Variants in MED16 observed in about 807,000 individuals in gnomAD.
MED16 encodes mediator complex subunit 16, also known as mediator of RNA polymerase II transcription subunit 16.
A neutral mutation model predicts 84.4 loss-of-function variants in MED16; 81 were observed. That is an observed-to-expected ratio of 0.96 (90% CI 0.80 to 1.15). The LOEUF (loss-of-function observed/expected upper bound fraction) is 1.15, where lower values mean the gene tolerates loss of function less well. Among genes scored for constraint, MED16 ranks in the 50% most tolerant of loss-of-function variants. MED16 has a pLI of 0.00. For missense variants in MED16, 1,585 were observed against 1,245.9 expected (o/e 1.27, Z -4.10); for synonymous variants, 897 against 552.2 (o/e 1.62, Z -8.76).
intron 6 of MED16, among the ~76,000 whole-genome samples, chr19:883,864 G>A (rs2036471413): frequency 6.6e-6 from 1 of 152,102 alleles, no homozygotes; most frequent in South Asian, 2.1e-4. Context: ...GCCCAACAAG[G>A]CCCTGGGGAC....
Position 881,601 on chromosome 19 carries a change from C to A in MED16, c.1099G>T (p.Asp367Tyr). 6.2e-7 allele frequency: 1 copy of A among 1,612,638 alleles called. No homozygotes were observed. Among genetic ancestry groups the A allele is most frequent in the Non-Finnish European group, 8.5e-7 (1 of 1,179,906 alleles). ...PKLPISLTNT[D>Y]LKVASDTQFY... ...TGTGTGTCGCTGGCCACCTTGAGGT[C>A]GGTGTTGGTGAGCGAGATGGGCAGC... is the stretch of plus-strand genomic sequence containing the variant. The change falls in exon 7 of 16, where the codon GAC becomes TAC. Residue 367 changes from aspartate to tyrosine, a missense_variant. By Grantham distance (160) the Asp-to-Tyr change is radical. Transcript: ENST00000325464.
intron 13 of MED16, among the ~76,000 whole-genome samples, chr19:870,508 C>G (rs2036020980): frequency 6.6e-6 from 1 of 150,856 alleles, no homozygotes; most frequent in South Asian, 2.1e-4. Flanking sequence ...TTGCAGTGGG[C>G]CAAGACGGCA....
At position 871,159 on chromosome 19, in the gene MED16, C is replaced by G. The variant is rs763793613; in HGVS notation, c.2193G>C (p.Trp731Cys). 1.3e-6 allele frequency: 2 copies of G among 1,548,602 alleles called. No individual in the cohort carries two copies. The highest frequency in any genetic ancestry group is 2.7e-5 in the African/African-American group (2 of 73,058). Residue 731 changes from tryptophan to cysteine, a missense_variant, in exon 13 of 16, where the codon TGG (tryptophan) becomes TGC (cysteine). By Grantham distance (215) the Trp-to-Cys change is radical (BLOSUM62 -2). Coordinates refer to ENST00000325464, the MANE Select transcript of MED16 (RefSeq NM_005481.3). The part of the protein sequence containing the change: ...PSQLLIPSLD[W>C]LPASDGLVSR... ...TAACCAGGCCGTCGCTGGCTGGCAGCCAGTCCAGGCTGGGGATAAGCAGCT... is the reference window on the plus strand; with the variant it reads ...TAACCAGGCCGTCGCTGGCTGGCAGGCAGTCCAGGCTGGGGATAAGCAGCT...
intron 8 of MED16, 24 bp from the exon 9 acceptor site, chr19:877,204 G>C (rs763253661): frequency 8.2e-6 from 13 of 1,589,828 alleles, no homozygotes; most frequent in Non-Finnish European, 1.0e-5. Context: ...AGCCCAAGGA[G>C]AGCCCGGTGA....
In MED16 at chr19:873,498, T is replaced by C. The variant is rs1296642865; in HGVS notation, c.1856A>G (p.Gln619Arg). 3 of 1,611,842 alleles carry C rather than the reference T, an allele frequency of 1.9e-6. No homozygotes were observed. The African/African-American group carries it at 4.0e-5, about 22-fold the overall frequency. The stretch of plus-strand genomic sequence containing the variant: ...GTACAGCACGAAGTCGCCCACCCAC[T>C]GCAAGAGCTGCTGCAGCGCCTGCAG... ...NTLQALQQLL[Q>R]WVGDFVLYLL... The change falls in exon 11 of 16, where the codon CAG becomes CGG. Residue 619 changes from glutamine to arginine, a missense_variant. Gln to Arg is a conservative substitution (Grantham distance 43). Coordinates refer to ENST00000325464, the MANE Select transcript of MED16 (RefSeq NM_005481.3).
intron 6 of MED16, among the ~76,000 whole-genome samples, chr19:882,127 C>G (rs775392479): frequency 6.6e-6 from 1 of 152,262 alleles, no homozygotes; most frequent in African/African-American, 2.4e-5. Context: ...GTCGCACCCA[C>G]AGATCCGCTG....
In MED16 at chr19:868,033, G is replaced by A. The variant is rs973750054; in HGVS notation, c.*68C>T. ...TTGTCCAGGTTCAGCGCTCTCCGCG[G>A]GTGAGGCAAGGAAACCGAGGAGACG... On this transcript the variant is annotated 3_prime_UTR_variant, in exon 16 of 16. Transcript: ENST00000325464. 1 of 1,530,164 alleles carries A rather than the reference G, an allele frequency of 6.5e-7. No individual in the cohort carries two copies. Among genetic ancestry groups the A allele is most frequent in the African/African-American group, 1.4e-5 (1 of 72,070 alleles). 94.8% of individuals were successfully genotyped at this position (1,530,164 alleles called of 1,614,324 possible). A position where few individuals can be genotyped will look rare whatever the true frequency, so the allele number is the denominator to read the frequency against.
chr19:873,969 G>A (rs1399343298), intron 10 of MED16, among the ~76,000 whole-genome samples: 2 of 152,190 alleles, frequency 1.3e-5, no homozygotes, highest in African/African-American at 2.4e-5. Context: ...CCGGCTGGCA[G>A]CTGGCGGCGG....
At chr19:872,434 G>GCGGGCC (rs1568320388) in intron 11 of MED16, among the ~76,000 whole-genome samples, 2 of 152,046 alleles carry the variant, frequency 1.3e-5, no homozygotes, top group African/African-American at 4.8e-5. Flanking sequence ...TCCTACAGCT[G>GCGGGCC]CGGGCCCGGG....
chr19:880,230 G>A (rs908402345), intron 7 of MED16, 82 bp from the exon 8 acceptor site: 14 of 1,340,650 alleles, frequency 1.0e-5, no homozygotes, highest in Non-Finnish European at 1.3e-5. Flanking sequence ...TCTGCAGGGT[G>A]TGGAGAGCCG....
chr19:875,223 C>A (rs751649566), intron 10 of MED16, 21 bp downstream of exon 10: 11 of 1,533,242 alleles, frequency 7.2e-6, no homozygotes, highest in Non-Finnish European at 9.8e-6. Context: ...CTCGAGGCCC[C>A]GGGCGTGGAA....
rs913000131 is a variant in MED16 at position 884,913 on chromosome 19, G to A, written c.975C>T (p.Ile325=). 7 of 1,607,618 alleles carry A rather than the reference G, an allele frequency of 4.4e-6. No individual in the cohort carries two copies. The highest frequency in any genetic ancestry group is 2.2e-5 in the East Asian group (1 of 44,776). ...GLPVNNIFQQ[I]SPVVGDKQPT... ...CGGCGGGAGACTCACCCACGGGGGA[G>A]ATCTGCTGGAAGATGTTGTTCACGG... Residue 325 remains isoleucine (I), a synonymous_variant, in exon 6 of 16, where the codon ATC becomes ATT. Transcript: ENST00000325464.
At chr19:881,756 A>AAGACAGGCTG in intron 6 of MED16, 42 bp from the exon 7 acceptor site, 1 of 1,593,660 alleles carries the variant, frequency 6.3e-7, no homozygotes, top group Non-Finnish European at 8.6e-7. Context: ...CAATGGAGTA[A>AAGACAGGCTG]AGACAGGCTG....
At chr19:889,248 G>A (rs1401676160) in intron 4 of MED16, among the ~76,000 whole-genome samples, 1 of 152,138 alleles carries the variant, frequency 6.6e-6, no homozygotes, top group Non-Finnish European at 1.5e-5. Context: ...AGCATAGAGA[G>A]GGGCTCTGGG....
intron 12 of MED16, chr19:871,644 C>A (rs752749561): frequency 1.8e-5 from 29 of 1,592,066 alleles, no homozygotes; most frequent in Non-Finnish European, 2.2e-5. Flanking sequence ...CCACACAGAG[C>A]ATGGACCTGT....
intron 15 of MED16, 60 bp downstream of exon 15, chr19:868,356 C>T (rs745966163): frequency 1.3e-6 from 2 of 1,593,728 alleles, no homozygotes; most frequent in African/African-American, 2.7e-5. Context: ...TGAGGAGTAG[C>T]TGAGGGGCAG....
chr19:868,296 C>T (rs376286071), intron 15 of MED16, 45 bp from the exon 16 acceptor site: 56 of 1,586,424 alleles, frequency 3.5e-5, no homozygotes, highest in Non-Finnish European at 4.1e-5. Context: ...GAGTCCAGGG[C>T]GAGCGGTGGC....
rs766481695 is a variant in MED16 at position 880,099 on chromosome 19, G to C, written c.1191C>G (p.Leu397=). The stretch of plus-strand genomic sequence containing the variant: ...AGAAGACGGCCATGGTCTGCAGTGA[G>C]AGCCGGTGCACGATGTGGACGCTGC... ...HDGSVHIVHR[L]SLQTMAVFYS... is the part of the protein sequence containing the mutation. Residue 397 remains leucine, a synonymous_variant, in exon 8 of 16, where the codon CTC becomes CTG. Coordinates refer to ENST00000325464, the MANE Select transcript of MED16 (RefSeq NM_005481.3). The C allele has an allele frequency of 1.2e-6, 2 of 1,610,794 alleles. No homozygotes were observed. The highest frequency in any genetic ancestry group is 1.1e-5 in the South Asian group (1 of 90,830).
chr19:874,939 G>T (rs1161491908), intron 10 of MED16, among the ~76,000 whole-genome samples: 1 of 151,972 alleles, frequency 6.6e-6, no homozygotes, highest in East Asian at 1.9e-4. Context: ...GAGGCGGGCG[G>T]ATCATTTGAG....
Sources: gnomAD v4.1 joint callset for allele counts (sites outside exome capture counted in the v4.1 genomes callset) on GRCh38, gnomAD v4.1.1 for gene constraint, MANE v1.5 for transcripts, NCBI Gene and HGNC (gene_info 2026-07-23, HGNC 2026-07-21) for gene names.